The following ZNF875 variants were observed in gnomAD, a reference collection of about 807,000 sequenced individuals.
The protein encoded by ZNF875 is zinc finger protein 875.
In ZNF875, 14 loss-of-function variants were observed where a neutral mutation model predicts 11.2. The ratio of observed to expected loss-of-function variants is 1.26; its 90% CI spans 0.83 to 1.96. The LOEUF is 1.96. Ranked by LOEUF, ZNF875 falls within the 30% of genes most tolerant of loss-of-function variation. The pLI, the probability that ZNF875 is intolerant of heterozygous loss-of-function variation, is 0.00. For missense variants in ZNF875, 752 were observed against 760.4 expected, an observed-to-expected ratio of 0.99 and a Z score of 0.13; for synonymous variants, 301 against 281.1, an observed-to-expected ratio of 1.07 and a Z score of -0.71.
upstream of ZNF875, among the ~76,000 whole-genome samples, chr19:37,331,470 T>C (rs1430496666): frequency 6.6e-6 from 1 of 151,388 alleles, no homozygotes; most frequent in Non-Finnish European, 1.5e-5. Flanking sequence ...CATTTTGTTA[T>C]GTACTAAGAA....
In ZNF875 at chr19:37,336,253, A is replaced by G. The variant is rs565831029; in HGVS notation, c.33+996A>G. On this transcript the variant is annotated intron_variant, in intron 2 of 4. Coordinates refer to ENST00000392153, the MANE Select transcript of ZNF875 (RefSeq NM_001353803.2). ...AGATAGTTTCAGAGGCTGGACTCTC[A>G]GTGTGGAAGGATTATGGTGGCCAGT... 6.0e-5 allele frequency among the ~76,000 whole-genome samples: 9 copies of G among 150,768 alleles called. No homozygotes were observed. In the East Asian group the frequency reaches 1.4e-3, roughly 23 times the overall value.
chr19:37,351,842 T>C lies in ZNF875; in HGVS notation c.256+3970T>C, dbSNP rs75920454. Among the ~76,000 whole-genome samples, 238 of 152,348 alleles carry C rather than the reference T, an allele frequency of 1.6e-3. 3 individuals carry two copies. The East Asian group carries it at 0.042, about 27-fold the overall frequency. ...ATTTTATGGCACAGCATATGATCTA[T>C]TTTTGTGAACATCCTATGAGCTCTT... is the stretch of plus-strand genomic sequence containing the variant. On this transcript the variant is annotated intron_variant, in intron 4 of 4. Coordinates refer to ENST00000392153, the MANE Select transcript of ZNF875 (RefSeq NM_001353803.2).
chr19:37,338,018 T>C (rs1248331517), intron 2 of ZNF875, among the ~76,000 whole-genome samples: 2 of 152,208 alleles, frequency 1.3e-5, no homozygotes, highest in African/African-American at 4.8e-5. Flanking sequence ...GAATTCTGTT[T>C]CTCATTTCTA....
At chr19:37,314,263 C>T (rs1351204622), upstream of ZNF875, among the ~76,000 whole-genome samples, 1 of 151,980 alleles carries the variant, frequency 6.6e-6, no homozygotes, top group Non-Finnish European at 1.5e-5. Context: ...AGGCATGCAC[C>T]AATACGCCCA....
At chr19:37,331,111 T>C (rs1365202634), upstream of ZNF875, among the ~76,000 whole-genome samples, 1 of 127,712 alleles carries the variant, frequency 7.8e-6, no homozygotes, top group Non-Finnish European at 1.6e-5. Context: ...GGCGTGAACC[T>C]GGGAGGCGGA....
intron 4 of ZNF875, among the ~76,000 whole-genome samples, chr19:37,355,669 C>G (rs1048925048): frequency 6.6e-6 from 1 of 152,100 alleles, no homozygotes; most frequent in Non-Finnish European, 1.5e-5. Context: ...AGAACATAAT[C>G]TAGTCCAAGG....
intron 4 of ZNF875, 150 bp downstream of exon 4, chr19:37,348,022 A>G: frequency 1.7e-6 from 1 of 589,218 alleles, no homozygotes; most frequent in Middle Eastern, 4.7e-4. Context: ...CCGGAACATA[A>G]TCTTCAGTTG....
chr19:37,334,536 G>A (rs1249775538), upstream of ZNF875: 3 of 366,632 alleles, frequency 8.2e-6, no homozygotes, highest in Non-Finnish European at 1.1e-5. Flanking sequence ...CTGTGTGGTG[G>A]GCAAAGCCGA....
chr19:37,314,622 C>G (rs1279590505), upstream of ZNF875, among the ~76,000 whole-genome samples: 1 of 151,812 alleles, frequency 6.6e-6, no homozygotes, highest in Admixed American at 6.6e-5. Flanking sequence ...GTCAGAAGTT[C>G]GAGAGCATTC....
At chr19:37,355,678 G>C (rs888577578) in intron 4 of ZNF875, among the ~76,000 whole-genome samples, 8 of 152,054 alleles carry the variant, frequency 5.3e-5, no homozygotes, top group Admixed American at 6.6e-5. Context: ...TCTAGTCCAA[G>C]GTTAGTTAGT....
upstream of ZNF875, among the ~76,000 whole-genome samples, chr19:37,331,070 C>T (rs1003959189): frequency 6.6e-6 from 1 of 151,562 alleles, no homozygotes; most frequent in Non-Finnish European, 1.5e-5. Flanking sequence ...GCCTGTAGTC[C>T]CAGCTACTCG....
intron 4 of ZNF875, chr19:37,358,749 C>G (rs2039391059): frequency 6.6e-6 from 1 of 151,918 alleles, no homozygotes; most frequent in Non-Finnish European, 1.5e-5. Context: ...GAACTCTTGC[C>G]CTCAGGTGAT....
At chr19:37,323,177 A>G (rs2031817453) in intron 2 of ZNF875, among the ~76,000 whole-genome samples, 1 of 150,500 alleles carries the variant, frequency 6.6e-6, no homozygotes, top group Non-Finnish European at 1.5e-5. Flanking sequence ...TTTTTGAAAC[A>G]GAGTCTCACT....
chr19:37,322,659 A>T (rs2031706865), intron 2 of ZNF875, among the ~76,000 whole-genome samples: 1 of 152,162 alleles, frequency 6.6e-6, no homozygotes, highest in East Asian at 1.9e-4. Context: ...GGTTTACATC[A>T]GTTGCCCCAG....
At chr19:37,336,460 A>T (rs12104380) in intron 2 of ZNF875, among the ~76,000 whole-genome samples, 3 of 150,486 alleles carry the variant, frequency 2.0e-5, no homozygotes, top group East Asian at 2.0e-4. Context: ...CCACCATGCC[A>T]GGCTAATTTT....
At chr19:37,352,017 C>G (rs1181676584) in intron 4 of ZNF875, among the ~76,000 whole-genome samples, 1 of 152,196 alleles carries the variant, frequency 6.6e-6, no homozygotes, top group African/African-American at 2.4e-5. Flanking sequence ...GTTAACATAT[C>G]ATTGTGGATT....
At position 37,364,000 on chromosome 19, in the gene ZNF875, A is replaced by G; in HGVS notation, c.*225A>G. On this transcript the variant is annotated 3_prime_UTR_variant, in exon 5 of 5. Coordinates refer to ENST00000392153, the MANE Select transcript of ZNF875 (RefSeq NM_001353803.2). ...ATTTTCAGGAGCCCTGCCCTTCCTCACTGTGGATGGTGGGTTGTGGAAACC... is the reference window on the plus strand; with the variant it reads ...ATTTTCAGGAGCCCTGCCCTTCCTCGCTGTGGATGGTGGGTTGTGGAAACC... 1.9e-6 allele frequency: 1 copy of G among 534,276 alleles called. No homozygotes were observed. The allele number at this position is 534,276 out of a possible 1,614,324, so 33.1% of individuals were successfully genotyped here.
intron 4 of ZNF875, among the ~76,000 whole-genome samples, chr19:37,361,352 G>C (rs1348559362): frequency 6.6e-6 from 1 of 152,012 alleles, no homozygotes; most frequent in Non-Finnish European, 1.5e-5. Context: ...CTCGTGATCT[G>C]CCCGCCTCGG....
intron 4 of ZNF875, among the ~76,000 whole-genome samples, chr19:37,355,275 C>T (rs1012666884): frequency 6.6e-6 from 1 of 152,140 alleles, no homozygotes; most frequent in South Asian, 2.1e-4. Context: ...CTGCAACCTC[C>T]GCCTCCTGGG....
Sources: gnomAD v4.1 joint callset for allele counts (sites outside exome capture counted in the v4.1 genomes callset) on GRCh38, gnomAD v4.1.1 for gene constraint, MANE v1.5 for transcripts, NCBI Gene and HGNC (gene_info 2026-07-23, HGNC 2026-07-21) for gene names.